COBL: variants seen among roughly 807,000 people sequenced by gnomAD.
The protein encoded by COBL is cordon-bleu WH2 repeat protein.
COBL carries 51 observed loss-of-function variants against 98.8 expected under a neutral mutation model. The observed-to-expected ratio is 0.52, with a 90% confidence interval of 0.41 to 0.65. The LOEUF (loss-of-function observed/expected upper bound fraction) is 0.65, where lower values mean the gene tolerates loss of function less well. Ranked by LOEUF, COBL falls within the 30% of genes least tolerant of loss-of-function variation. The probability of loss-of-function intolerance (pLI) is 0.00; values close to 1 mark genes in which losing one functional copy is unlikely to be tolerated. For synonymous variants in COBL, 634 were observed against 651.7 expected (o/e 0.97, Z 0.41); for missense variants, 1,617 against 1,617.5 (o/e 1.00, Z 0.01).
At chr7:51,058,898 C>T (rs1490425950) in intron 7 of COBL, among the ~76,000 whole-genome samples, 5 of 152,210 alleles carry the variant, frequency 3.3e-5, no homozygotes, top group Admixed American at 6.5e-5. Context: ...TATCCCAGGC[C>T]GGGGCTACTG....
intron 1 of COBL, among the ~76,000 whole-genome samples, chr7:51,314,672 C>G (rs1803362617): frequency 6.6e-6 from 1 of 152,014 alleles, no homozygotes; most frequent in African/African-American, 2.4e-5. Context: ...TAACAAATGA[C>G]AAAGTGAGAA....
chr7:51,113,943 T>C (rs1352533553), intron 6 of COBL, among the ~76,000 whole-genome samples: 1 of 152,196 alleles, frequency 6.6e-6, no homozygotes, highest in Non-Finnish European at 1.5e-5. Flanking sequence ...TTGCCCTCTA[T>C]AGTTACAGGC....
intron 6 of COBL, among the ~76,000 whole-genome samples, chr7:51,109,259 A>G (rs1796616007): frequency 6.6e-6 from 1 of 151,920 alleles, no homozygotes; most frequent in South Asian, 2.1e-4. Context: ...TTCCCCAACT[A>G]CCACCTACTG....
intron 7 of COBL, among the ~76,000 whole-genome samples, chr7:51,051,656 C>T (rs10248051): frequency 0.41 from 62,014 of 152,026 alleles, 16,490 homozygotes; most frequent in African/African-American, 0.75. Context: ...CTTTGCCGCA[C>T]GTGAATATTC....
chr7:51,193,452 T>C lies in COBL; in HGVS notation c.383A>G (p.Asn128Ser), dbSNP rs1205270715. 3 of 1,614,208 alleles carry C rather than the reference T, an allele frequency of 1.9e-6. No individual in the cohort carries two copies. The highest frequency in any genetic ancestry group is 3.3e-5 in the Admixed American group (2 of 60,028). ...TTCTTTCAGAAACACAGTATGCACA[T>C]TCAGGGTCCCAATCAAAGTATTTGG... ...FKPNTLIGTLNVHTVFLKEKV... is the reference protein window; with the variant it reads ...FKPNTLIGTLSVHTVFLKEKV... Residue 128 changes from asparagine (N) to serine (S), a missense_variant, in exon 3 of 13, where the codon AAT (asparagine) becomes AGT (serine). Around this residue, in one of 3 missense-constraint regions of COBL, gnomAD observed 238 missense variants for 215.0 expected, o/e 1.11. Transcript: ENST00000265136.
intron 7 of COBL, among the ~76,000 whole-genome samples, chr7:51,058,969 C>G (rs1791050185): frequency 6.6e-6 from 1 of 152,218 alleles, no homozygotes; most frequent in Non-Finnish European, 1.5e-5. Context: ...GCGCTCATGT[C>G]CTCCCATGTC....
At chr7:51,141,932 T>C (rs546974640) in intron 5 of COBL, among the ~76,000 whole-genome samples, 10 of 152,328 alleles carry the variant, frequency 6.6e-5, no homozygotes, top group African/African-American at 2.4e-4. Context: ...GGGTGTTCTC[T>C]GTCTTTGTCT....
In COBL at chr7:51,311,314, C is replaced by G. The variant is rs577792396; in HGVS notation, c.41+5279G>C. 1.2e-3 allele frequency among the ~76,000 whole-genome samples: 176 copies of G among 152,276 alleles called. 6 individuals carry two copies. The highest frequency in any genetic ancestry group is 0.011 in the Admixed American group (173 of 15,286). ...ACCCCAAGAGGCCACAGGGTTTCTCCCTGCTGGGGAAAGCCATCCTTCTCT... is the reference window on the plus strand; with the variant it reads ...ACCCCAAGAGGCCACAGGGTTTCTCGCTGCTGGGGAAAGCCATCCTTCTCT... On this transcript the variant is annotated intron_variant, in intron 1 of 12. Transcript: ENST00000265136.
rs193283963 is a variant in COBL, at chr7:51,296,986, G to A, written c.41+19607C>T. ...GTGTAATACTGAATGATGAATGAAA[G>A]GATCATCTTTAGCCAAGGCTGGACG... On this transcript the variant is annotated intron_variant, in intron 1 of 12. Coordinates refer to ENST00000265136, the MANE Select transcript of COBL (RefSeq NM_015198.5). 1.6e-4 allele frequency among the ~76,000 whole-genome samples: 24 copies of A among 152,272 alleles called. No homozygotes were observed. In the East Asian group the frequency reaches 4.6e-3, roughly 29 times the overall value.
At chr7:51,178,458 T>G (rs1788624366) in intron 5 of COBL, among the ~76,000 whole-genome samples, 1 of 152,194 alleles carries the variant, frequency 6.6e-6, no homozygotes, top group African/African-American at 2.4e-5. Context: ...AATAATACAT[T>G]AATACAAAGG....
At chr7:51,098,988 C>T (rs887742551) in intron 6 of COBL, among the ~76,000 whole-genome samples, 4 of 151,714 alleles carry the variant, frequency 2.6e-5, no homozygotes, top group African/African-American at 9.7e-5. Context: ...ATACAAATGG[C>T]CACAAAGCAT....
At chr7:51,192,637 T>C (rs1790222866) in intron 3 of COBL, among the ~76,000 whole-genome samples, 1 of 152,232 alleles carries the variant, frequency 6.6e-6, no homozygotes, top group Admixed American at 6.5e-5. Context: ...AATAAAAGTA[T>C]ATAATAAGCT....
At chr7:51,221,625 C>T (rs1793646828) in intron 1 of COBL, among the ~76,000 whole-genome samples, 1 of 152,140 alleles carries the variant, frequency 6.6e-6, no homozygotes, top group Admixed American at 6.5e-5. Context: ...GAGAGGTCTA[C>T]ATTAATTATA....
chr7:51,148,114 G>T (rs1785211717), intron 5 of COBL, among the ~76,000 whole-genome samples: 1 of 152,102 alleles, frequency 6.6e-6, no homozygotes. Flanking sequence ...ACAGGTCTTT[G>T]AATAAATATT....
At chr7:51,289,695 A>G (rs1182536636) in intron 1 of COBL, among the ~76,000 whole-genome samples, 1 of 152,272 alleles carries the variant, frequency 6.6e-6, no homozygotes, top group Non-Finnish European at 1.5e-5. Flanking sequence ...CAAGCCACAG[A>G]ATGGAAGTGA....
At chr7:51,088,062 C>CT (rs1794452733) in intron 6 of COBL, among the ~76,000 whole-genome samples, 1 of 58,284 alleles carries the variant, frequency 1.7e-5, no homozygotes, top group African/African-American at 1.0e-4. Context: ...ATAGTATCTG[C>CT]TTTTCCTCTG....
At chr7:51,257,868 C>G (rs1205676693) in intron 1 of COBL, among the ~76,000 whole-genome samples, 1 of 152,066 alleles carries the variant, frequency 6.6e-6, no homozygotes, top group Non-Finnish European at 1.5e-5. Flanking sequence ...TTGATGAAAT[C>G]TTCCCTGTCT....
intron 6 of COBL, among the ~76,000 whole-genome samples, chr7:51,102,509 A>G (rs1409597051): frequency 1.3e-5 from 2 of 152,200 alleles, no homozygotes; most frequent in African/African-American, 4.8e-5. Context: ...GTGGCACTTC[A>G]TAGGAACTTA....
intron 1 of COBL, among the ~76,000 whole-genome samples, chr7:51,296,308 T>G (rs1015307760): frequency 1.3e-5 from 2 of 152,240 alleles, no homozygotes; most frequent in Non-Finnish European, 2.9e-5. Flanking sequence ...GATCATTTCA[T>G]ATTTAAACCT....
Sources: gnomAD v4.1 joint callset for allele counts (sites outside exome capture counted in the v4.1 genomes callset) on GRCh38, gnomAD v4.1.1 for gene constraint, gnomAD v4.1.1 regional missense constraint, MANE v1.5 for transcripts, NCBI Gene and HGNC (gene_info 2026-07-23, HGNC 2026-07-21) for gene names.